LAMA2: variants seen among roughly 807,000 people sequenced by gnomAD.
The protein encoded by LAMA2 is laminin subunit alpha-2.
In LAMA2, 269 loss-of-function variants were observed where a neutral mutation model predicts 364.8. The ratio of observed to expected loss-of-function variants is 0.74; its 90% CI spans 0.67 to 0.82. LAMA2 has a LOEUF of 0.82. LAMA2 is among the 40% of genes least tolerant of loss of function. The pLI is 0.00. For synonymous variants in LAMA2, 1,379 were observed against 1,370.6 expected (o/e 1.01, Z -0.14); for missense variants, 3,807 against 3,873.2 (o/e 0.98, Z 0.45).
At chr6:129,156,579 G>A (rs1779129127) in intron 8 of LAMA2, among the ~76,000 whole-genome samples, 2 of 150,360 alleles carry the variant, frequency 1.3e-5, no homozygotes, top group African/African-American at 4.9e-5. Context: ...AAAGAATACA[G>A]AACATGGTTA....
chr6:128,961,341 A>ATATCTATC (rs1554335615), intron 1 of LAMA2, among the ~76,000 whole-genome samples: 1 of 51,158 alleles, frequency 2.0e-5, no homozygotes, highest in African/African-American at 8.8e-5. Flanking sequence ...ATATATATAT[A>ATATCTATC]TATATATATA....
chr6:129,440,610 G>A (rs1782057064), intron 42 of LAMA2, among the ~76,000 whole-genome samples: 1 of 151,966 alleles, frequency 6.6e-6, no homozygotes, highest in South Asian at 2.1e-4. Flanking sequence ...AGCTAATCAG[G>A]TATTCATAGC....
chr6:129,165,530 C>A, intron 8 of LAMA2, 46 bp from the exon 9 acceptor site: 1 of 1,272,828 alleles, frequency 7.9e-7, no homozygotes, highest in Admixed American at 1.8e-5. Flanking sequence ...AAAAATATTG[C>A]TGTTTCTATT....
At position 129,383,174 on chromosome 6, in the gene LAMA2, C is replaced by G. The variant is rs2114654061; in HGVS notation, c.5012C>G (p.Thr1671Ser). Residue 1671 changes from threonine to serine, a missense_variant, in exon 35 of 65, where the codon ACC becomes AGC. By Grantham distance (58) the Thr-to-Ser change is moderately conservative. Coordinates refer to ENST00000421865, the MANE Select transcript of LAMA2 (RefSeq NM_000426.4). ...CAGACCGGACAGGATGCTGAGAGGA[C>G]CAACACAAGAGCAAAGTCCCTGGGA... ...GEQTGQDAER[T>S]NTRAKSLGEF... 3 of 1,613,856 alleles carry G rather than the reference C, an allele frequency of 1.9e-6. No individual in the cohort carries two copies. The highest frequency in any genetic ancestry group is 2.5e-6 in the Non-Finnish European group (3 of 1,179,914).
At chr6:129,092,684 G>A (rs1774916243) in intron 3 of LAMA2, among the ~76,000 whole-genome samples, 1 of 152,202 alleles carries the variant, frequency 6.6e-6, no homozygotes, top group Non-Finnish European at 1.5e-5. Flanking sequence ...AGGAGGCGGA[G>A]CTCAACATTG....
At position 129,401,293 on chromosome 6, in the gene LAMA2, C is replaced by G. The variant is rs1352301856; in HGVS notation, c.5515C>G (p.Leu1839Val). The change falls in exon 38 of 65, where the codon CTC becomes GTC. Residue 1839 changes from leucine (L) to valine (V), a missense_variant. By Grantham distance (32) the Leu-to-Val change is conservative (BLOSUM62 1). This residue lies in a region of LAMA2 where 3,333 missense variants were observed against 3,345.7 expected (regional missense o/e 1.00). Coordinates refer to ENST00000421865, the MANE Select transcript of LAMA2 (RefSeq NM_000426.4). ...ENTLKEGNDI[L>V]DEANRLADEI... ...CACTTTAAAAGAGGGCAATGACATA[C>G]TCGATGAAGCCAACCGTCTTGCAGA... The G allele has an allele frequency of 6.2e-7, 1 of 1,612,784 alleles. No homozygotes were observed. The highest frequency in any genetic ancestry group is 1.7e-5 in the Admixed American group (1 of 60,008).
At position 129,197,533 on chromosome 6, in the gene LAMA2, A is replaced by C. The variant is rs185810012; in HGVS notation, c.1782+4680A>C. 1.1e-3 allele frequency among the ~76,000 whole-genome samples: 175 copies of C among 152,332 alleles called. 1 individual carries two copies. The highest frequency in any genetic ancestry group is 1.9e-4 in the Non-Finnish European group (13 of 68,034). ...TCTGGGCCGAACCAATGTGTAACTT[A>C]GTACTGGTGTATGTCTTTGCCTGCA... On this transcript the variant is annotated intron_variant, in intron 12 of 64. Transcript: ENST00000421865.
intron 29 of LAMA2, among the ~76,000 whole-genome samples, chr6:129,338,016 A>C (rs2114557507): frequency 6.6e-6 from 1 of 152,296 alleles, no homozygotes; most frequent in South Asian, 2.1e-4. Context: ...CAATTAACCA[A>C]GTTTAGTATG....
chr6:129,038,974 A>C (rs749338489), intron 1 of LAMA2, among the ~76,000 whole-genome samples: 5 of 152,218 alleles, frequency 3.3e-5, no homozygotes, highest in Non-Finnish European at 5.9e-5. Context: ...TGATTAGTTT[A>C]ATGCCCTTCA....
At chr6:129,363,046 C>A (rs141875478) in intron 32 of LAMA2, among the ~76,000 whole-genome samples, 2 of 152,276 alleles carry the variant, frequency 1.3e-5, no homozygotes, top group East Asian at 3.9e-4. Context: ...CAGTGGTTCA[C>A]GCCTATGATC....
intron 1 of LAMA2, among the ~76,000 whole-genome samples, chr6:128,942,520 C>T (rs1780218958): frequency 6.6e-6 from 1 of 152,098 alleles, no homozygotes; most frequent in Non-Finnish European, 1.5e-5. Flanking sequence ...TATGAATTGG[C>T]TCATTTAAAT....
intron 12 of LAMA2, among the ~76,000 whole-genome samples, chr6:129,237,514 T>G (rs2115146541): frequency 6.6e-6 from 1 of 152,108 alleles, no homozygotes; most frequent in South Asian, 2.1e-4. Flanking sequence ...TTTTGTATTT[T>G]TAGTAGAGAC....
At chr6:129,427,604 C>T in intron 40 of LAMA2, 148 bp from the exon 41 acceptor site, 1 of 670,554 alleles carries the variant, frequency 1.5e-6, no homozygotes, top group South Asian at 1.6e-5. Context: ...ACTTTAACTA[C>T]CGAATATGTG....
At chr6:129,156,020 T>C (rs1390417789) in intron 8 of LAMA2, among the ~76,000 whole-genome samples, 1 of 151,960 alleles carries the variant, frequency 6.6e-6, no homozygotes, top group Non-Finnish European at 1.5e-5. Flanking sequence ...ATATTTATTG[T>C]ACAGCATGGT....
intron 1 of LAMA2, among the ~76,000 whole-genome samples, chr6:129,038,574 C>T (rs550328370): frequency 2.0e-5 from 3 of 152,306 alleles, no homozygotes; most frequent in South Asian, 2.1e-4. Flanking sequence ...CTTACTGCTG[C>T]CGCCATCACT....
chr6:129,116,874 ATT>A (rs1776512967), intron 4 of LAMA2, among the ~76,000 whole-genome samples: 1 of 152,118 alleles, frequency 6.6e-6, no homozygotes, highest in South Asian at 2.1e-4. Flanking sequence ...AAATAAATGA[ATT>A]TATTACCACT....
At chr6:129,025,458 C>G (rs1056091066) in intron 1 of LAMA2, among the ~76,000 whole-genome samples, 1 of 152,052 alleles carries the variant, frequency 6.6e-6, no homozygotes, top group African/African-American at 2.4e-5. Flanking sequence ...GGTTATTGCT[C>G]TTCAATAAAG....
chr6:129,408,481 G>A (rs537042938), intron 40 of LAMA2, among the ~76,000 whole-genome samples: 43 of 152,258 alleles, frequency 2.8e-4, no homozygotes, highest in East Asian at 3.9e-4. Context: ...CCATGACAGC[G>A]AATAAGGCAT....
At chr6:129,478,301 G>GTTTT (rs1236797214) in intron 53 of LAMA2, among the ~76,000 whole-genome samples, 1 of 151,750 alleles carries the variant, frequency 6.6e-6, no homozygotes, top group African/African-American at 2.4e-5. Flanking sequence ...TTTGAGCAAG[G>GTTTT]TTTTTAAAAA....
Sources: allele counts gnomAD v4.1 joint callset (sites outside exome capture counted in the v4.1 genomes callset), GRCh38; gene constraint gnomAD v4.1.1; regional missense constraint gnomAD v4.1.1; transcripts MANE v1.5; gene names NCBI Gene and HGNC (gene_info 2026-07-23, HGNC 2026-07-21).